Variants in DST observed in about 807,000 individuals in gnomAD.
The protein encoded by DST is dystonin.
In DST, 253 loss-of-function variants were observed where a neutral mutation model predicts 875.2. The observed-to-expected ratio is 0.29, with a 90% CI of 0.26 to 0.32. The LOEUF is 0.32. DST is among the 10% of genes least tolerant of loss of function. The pLI is 1.00. For missense variants in DST, 8,287 were observed against 9,111.6 expected (o/e 0.91, Z 3.68); for synonymous variants, 3,124 against 3,197.1 (o/e 0.98, Z 0.77).
At chr6:56,534,179 TTG>T (rs2096951043) in intron 63 of DST, among the ~76,000 whole-genome samples, 1 of 152,174 alleles carries the variant, frequency 6.6e-6, no homozygotes, top group African/African-American at 2.4e-5. Flanking sequence ...ATTTAAAATG[TTG>T]TCTTTTTTAT....
rs1298989445 is a variant in DST at position 56,603,397 on chromosome 6, TGGAG to T, written c.10961_10964del (p.Ala3654GlufsTer6). On this transcript the variant is annotated frameshift_variant, in exon 42 of 104. Coordinates refer to ENST00000680361, the MANE Select transcript of DST (RefSeq NM_001374736.1). LOFTEE classifies it high-confidence loss of function. ...TATCTTTTCTTAAAATAACAGCAATTGGAGCTAATCCCAATTCAAATGTCTGCAA... is the reference window on the plus strand; with the variant it reads ...TATCTTTTCTTAAAATAACAGCAATTCTAATCCCAATTCAAATGTCTGCAA... 1.1e-5 allele frequency: 17 copies of T among 1,610,574 alleles called. No individual in the cohort carries two copies. Among genetic ancestry groups the T allele is most frequent in the Non-Finnish European group, 1.4e-5 (17 of 1,179,030 alleles).
At chr6:56,481,165 C>G (rs1042527624) in intron 90 of DST, among the ~76,000 whole-genome samples, 1 of 152,144 alleles carries the variant, frequency 6.6e-6, no homozygotes, top group African/African-American at 2.4e-5. Context: ...ATTAACATAA[C>G]AAGTCTCCAC....
intron 88 of DST, chr6:56,483,975 T>C (rs946496276): frequency 1.3e-5 from 2 of 152,154 alleles, no homozygotes; most frequent in African/African-American, 2.4e-5. Flanking sequence ...ATCCCATTTA[T>C]GATAGGACTA....
At chr6:56,798,526 T>C (rs60163288) in intron 4 of DST, among the ~76,000 whole-genome samples, 9,526 of 152,260 alleles carry the variant, frequency 0.063, 938 homozygotes, top group African/African-American at 0.21. Context: ...ATTACTGCTA[T>C]TGGCAATGTA....
chr6:56,937,075 A>G (rs900140433), intron 2 of DST, among the ~76,000 whole-genome samples: 1 of 152,030 alleles, frequency 6.6e-6, no homozygotes, highest in Non-Finnish European at 1.5e-5. Flanking sequence ...AATTGCCTTG[A>G]AAAAAAAGCA....
At chr6:56,485,871 C>G (rs2095542130) in intron 87 of DST, among the ~76,000 whole-genome samples, 1 of 152,076 alleles carries the variant, frequency 6.6e-6, no homozygotes, top group African/African-American at 2.4e-5. Context: ...CAATCAAGAT[C>G]CAGAACAGTT....
At position 56,723,437 on chromosome 6, in the gene DST, G is replaced by C. The variant is rs138874979; in HGVS notation, c.687+11791C>G. ...AAATTAGCCGGGCGTGTTGGTGCAT[G>C]CTTGTAATCCCAGCTACTCGGGAGG... is the stretch of plus-strand genomic sequence containing the variant. On this transcript the variant is annotated intron_variant, in intron 5 of 103. Coordinates refer to ENST00000680361, the MANE Select transcript of DST (RefSeq NM_001374736.1). 6.5e-3 allele frequency among the ~76,000 whole-genome samples: 982 copies of C among 152,214 alleles called. 12 individuals are homozygous for C. The highest frequency in any genetic ancestry group is 0.023 in the African/African-American group (952 of 41,528).
At chr6:56,583,512 G>A (rs1461447838) in intron 49 of DST, among the ~76,000 whole-genome samples, 1 of 152,124 alleles carries the variant, frequency 6.6e-6, no homozygotes, top group Admixed American at 6.6e-5. Context: ...TGTCAGATGA[G>A]TAGGTTACGA....
At chr6:56,596,376 T>C (rs115762712) in intron 47 of DST, among the ~76,000 whole-genome samples, 3,781 of 152,238 alleles carry the variant, frequency 0.025, 74 homozygotes, top group Non-Finnish European at 0.042. Context: ...TGAGGTAAAA[T>C]GATCAGATGG....
chr6:56,497,288 C>A (rs927688160), intron 82 of DST, 91 bp downstream of exon 82: 1 of 1,442,358 alleles, frequency 6.9e-7, no homozygotes, highest in Non-Finnish European at 9.5e-7. Flanking sequence ...ATCTTTAAAG[C>A]CTTCTCCCAC....
chr6:56,507,716 G>C (rs1257122594), intron 75 of DST, among the ~76,000 whole-genome samples: 1 of 152,106 alleles, frequency 6.6e-6, no homozygotes, highest in Non-Finnish European at 1.5e-5. Context: ...GAGGGAGTTT[G>C]GTAAAGGAGC....
intron 15 of DST, among the ~76,000 whole-genome samples, chr6:56,645,429 G>C (rs1289482273): frequency 6.6e-6 from 1 of 152,148 alleles, no homozygotes; most frequent in Non-Finnish European, 1.5e-5. Context: ...GTGTGTTCTA[G>C]ACGCCATCCA....
At chr6:56,890,155 T>C (rs1786673759) in intron 3 of DST, among the ~76,000 whole-genome samples, 1 of 148,886 alleles carries the variant, frequency 6.7e-6, no homozygotes, top group Non-Finnish European at 1.5e-5. Flanking sequence ...GTTAACTCCA[T>C]GATCTACCAG....
At chr6:56,627,168 A>T in intron 34 of DST, 36 bp downstream of exon 34, 1 of 1,439,184 alleles carries the variant, frequency 6.9e-7, no homozygotes, top group Non-Finnish European at 9.8e-7. Context: ...ACAAACCTGA[A>T]TATTAAATTT....
chr6:56,549,396 A>C (rs536343167), intron 61 of DST, among the ~76,000 whole-genome samples: 13 of 152,366 alleles, frequency 8.5e-5, no homozygotes, highest in Admixed American at 3.3e-4. Flanking sequence ...AATACAAATC[A>C]TTCCATTTAA....
chr6:56,705,115 G>A lies in DST; in HGVS notation c.688-746C>T, dbSNP rs1053451755. On this transcript the variant is annotated intron_variant, in intron 5 of 103. Transcript: ENST00000680361. The stretch of plus-strand genomic sequence containing the variant: ...CCAAAAGCTTTGTTTAGCCTGCCAA[G>A]TAGGGATAGCTCTAGTAACCACATG... Among the ~76,000 whole-genome samples the A allele has an allele frequency of 5.9e-5, 9 of 152,378 alleles. No individual in the cohort carries two copies. In the East Asian group the frequency reaches 1.5e-3, roughly 26 times the overall value.
chr6:56,615,700 A>C, intron 36 of DST: 1 of 1,614,164 alleles, frequency 6.2e-7, no homozygotes, highest in Non-Finnish European at 8.5e-7. Context: ...GTTTTGTGGC[A>C]ATGAGGACAT....
chr6:56,841,121 G>A (rs950632277), intron 4 of DST, among the ~76,000 whole-genome samples: 1 of 152,164 alleles, frequency 6.6e-6, no homozygotes, highest in Non-Finnish European at 1.5e-5. Context: ...TTTCTGATTA[G>A]ATCAGTCCCC....
At chr6:56,724,041 A>G (rs1364203429) in intron 5 of DST, among the ~76,000 whole-genome samples, 3 of 152,232 alleles carry the variant, frequency 2.0e-5, no homozygotes, top group Non-Finnish European at 4.4e-5. Context: ...ATTCAGCAAG[A>G]AAGTATTAAT....
Sources: allele counts gnomAD v4.1 joint callset (sites outside exome capture counted in the v4.1 genomes callset), GRCh38; gene constraint gnomAD v4.1.1; transcripts MANE v1.5; gene names NCBI Gene and HGNC (gene_info 2026-07-23, HGNC 2026-07-21).